ZBTB8B: variants seen among roughly 807,000 people sequenced by gnomAD.
The protein encoded by ZBTB8B is zinc finger and BTB domain-containing protein 8B.
A neutral mutation model predicts 30.3 loss-of-function variants in ZBTB8B; 17 were observed. The ratio of observed to expected loss-of-function variants is 0.56; its 90% CI spans 0.38 to 0.84. The LOEUF is 0.84. ZBTB8B is among the 40% of genes least tolerant of loss of function. The probability of loss-of-function intolerance (pLI) is 0.00; values close to 1 mark genes in which losing one functional copy is unlikely to be tolerated. For missense variants in ZBTB8B, 515 were observed against 644.9 expected (o/e 0.80, Z 2.18); for synonymous variants, 248 against 255.6 (o/e 0.97, Z 0.28).
chr1:32,471,801 CTACCATCATCACCAGTACCATCAT>C (rs1238894228), intron 2 of ZBTB8B, among the ~76,000 whole-genome samples, 186 bp downstream of exon 2: 4 of 151,762 alleles, frequency 2.6e-5, no homozygotes, highest in African/African-American at 4.8e-5. Flanking sequence ...ACCATCATCA[CTACCATCATCACCAGTACCATCAT>C]TACCATCATC....
rs1006903007 is a variant in ZBTB8B, at chr1:32,486,587, G to T, written c.*1169G>T. On this transcript the variant is annotated 3_prime_UTR_variant, in exon 4 of 4. Coordinates refer to ENST00000609129, the MANE Select transcript of ZBTB8B (RefSeq NM_001145720.2). ...AATGGTGGTAACTTCCAAGCCGCTG[G>T]GTGGTTGCCATGATAAGGGGCAGTG... 1 of 152,192 alleles carries T rather than the reference G, an allele frequency of 6.6e-6. No individual in the cohort carries two copies. The highest frequency in any genetic ancestry group is 2.4e-5 in the African/African-American group (1 of 41,438). 9.4% of individuals were successfully genotyped at this position (152,192 alleles called of 1,614,324 possible).
chr1:32,471,700 T>C, intron 2 of ZBTB8B, 85 bp downstream of exon 2: 1 of 1,400,766 alleles, frequency 7.1e-7, no homozygotes, highest in Non-Finnish European at 9.6e-7. Flanking sequence ...TCATGATCAT[T>C]ATCACCATCA....
At chr1:32,467,977 G>C (rs375791151) in intron 1 of ZBTB8B, among the ~76,000 whole-genome samples, 2 of 151,934 alleles carry the variant, frequency 1.3e-5, no homozygotes, top group Non-Finnish European at 2.9e-5. Context: ...TTAGCCTGGC[G>C]TGGGGGTGGG....
rs1478588344 is a variant in ZBTB8B at position 32,484,546 on chromosome 1, A to G, written c.1171-555A>G. Among the ~76,000 whole-genome samples, 1 of 152,098 alleles carries G rather than the reference A, an allele frequency of 6.6e-6. No individual in the cohort carries two copies. Among genetic ancestry groups the G allele is most frequent in the African/African-American group, 2.4e-5 (1 of 41,406 alleles). Reference sequence around the variant, plus strand: ...AAGAACCTTGGTAAGATGAAGACTCATATGGTTTGGATCTCTGTCCCCACT... The same window carrying G: ...AAGAACCTTGGTAAGATGAAGACTCGTATGGTTTGGATCTCTGTCCCCACT... On this transcript the variant is annotated intron_variant, in intron 3 of 3. Coordinates refer to ENST00000609129, the MANE Select transcript of ZBTB8B (RefSeq NM_001145720.2). The surrounding 1 kb of genome is among the most constrained non-coding windows in gnomAD (Gnocchi z 4.5).
chr1:32,475,046 T>C (rs1373877535), intron 2 of ZBTB8B, among the ~76,000 whole-genome samples: 1 of 152,252 alleles, frequency 6.6e-6, no homozygotes, highest in Non-Finnish European at 1.5e-5. Flanking sequence ...CTATAAGGTG[T>C]TGTGGTGTGG....
At chr1:32,478,477 A>C (rs918417769) in intron 2 of ZBTB8B, among the ~76,000 whole-genome samples, 1 of 152,062 alleles carries the variant, frequency 6.6e-6, no homozygotes, top group African/African-American at 2.4e-5. Flanking sequence ...GTGCCACTGT[A>C]CTCCAGCCTG....
At position 32,494,891 on chromosome 1, in the gene ZBTB8B, A is replaced by C. The variant is rs969689868; in HGVS notation, c.*9473A>C. On this transcript the variant is annotated 3_prime_UTR_variant, in exon 4 of 4. Coordinates refer to ENST00000609129, the MANE Select transcript of ZBTB8B (RefSeq NM_001145720.2). ...TCGGCCCACTGCAATCTCCGCCTCC[A>C]GAGTTCAAAGAGTTCTCATGCCTCA... is the stretch of plus-strand genomic sequence containing the variant. 1 of 151,996 alleles carries C rather than the reference A, an allele frequency of 6.6e-6. No homozygotes were observed. Among genetic ancestry groups the C allele is most frequent in the African/African-American group, 2.4e-5 (1 of 41,358 alleles). 9.4% of individuals were successfully genotyped at this position (151,996 alleles called of 1,614,324 possible). A position where few individuals can be genotyped will look rare whatever the true frequency, so the allele number is the denominator to read the frequency against.
At chr1:32,467,943 T>C (rs1643585210) in intron 1 of ZBTB8B, among the ~76,000 whole-genome samples, 2 of 151,716 alleles carry the variant, frequency 1.3e-5, no homozygotes, top group South Asian at 2.1e-4. Flanking sequence ...CAAAACCCTG[T>C]CTCTACCAAA....
At chr1:32,483,873 T>G (rs1643725475) in intron 3 of ZBTB8B, among the ~76,000 whole-genome samples, 1 of 151,642 alleles carries the variant, frequency 6.6e-6, no homozygotes, top group Admixed American at 6.6e-5. Context: ...AAGTCCAGCT[T>G]GGGCAACATA....
chr1:32,466,360 T>A lies in ZBTB8B; in HGVS notation c.-42+1255T>A, dbSNP rs1005945698. ...TTGGTTCATTTTTCTATTCCTGGCA[T>A]CTTCCTTGTGTCAGGCATTGTATGT... is the stretch of plus-strand genomic sequence containing the variant. On this transcript the variant is annotated intron_variant, in intron 1 of 3. Transcript: ENST00000609129. Among the ~76,000 whole-genome samples the A allele has an allele frequency of 6.6e-5, 10 of 152,336 alleles. No individual in the cohort carries two copies. The East Asian group carries it at 1.7e-3, about 26-fold the overall frequency.
In ZBTB8B at chr1:32,485,540, G is replaced by A; in HGVS notation, c.*122G>A. The A allele has an allele frequency of 2.0e-6, 2 of 1,013,452 alleles. No individual in the cohort carries two copies. The highest frequency in any genetic ancestry group is 5.2e-5 in the East Asian group (2 of 38,170). 62.8% of individuals were successfully genotyped at this position (1,013,452 alleles called of 1,614,324 possible). On this transcript the variant is annotated 3_prime_UTR_variant, in exon 4 of 4. Coordinates refer to ENST00000609129, the MANE Select transcript of ZBTB8B (RefSeq NM_001145720.2). ...GAACATTTTTTCACTGTTATTATAT[G>A]TGCATTTTTATTAGACTATCTGATA...
intron 2 of ZBTB8B, among the ~76,000 whole-genome samples, chr1:32,473,340 GA>G (rs980895545): frequency 4.6e-5 from 7 of 151,780 alleles, no homozygotes; most frequent in African/African-American, 1.7e-4. Context: ...AAAAGAAAAG[GA>G]AAAAAATACC....
rs1643815242 is a variant in ZBTB8B, at chr1:32,496,098, G to GA, written c.*10682dup. 2 of 152,218 alleles carry GA rather than the reference G, an allele frequency of 1.3e-5. No individual in the cohort carries two copies. Among genetic ancestry groups the GA allele is most frequent in the Admixed American group, 1.3e-4 (2 of 15,274 alleles). The allele number at this position is 152,218 out of a possible 1,614,324, so 9.4% of individuals were successfully genotyped here. On this transcript the variant is annotated 3_prime_UTR_variant, in exon 4 of 4. Coordinates refer to ENST00000609129, the MANE Select transcript of ZBTB8B (RefSeq NM_001145720.2). ...AGAACTATTAGAGCTCTAAACAGAA[G>GA]AAGCTTCCATCAAACCGTTTTTCCC...
chr1:32,489,769 AC>A lies in ZBTB8B; in HGVS notation c.*4356del, dbSNP rs1643767520. 1 of 152,098 alleles carries A rather than the reference AC, an allele frequency of 6.6e-6. No homozygotes were observed. The highest frequency in any genetic ancestry group is 1.5e-5 in the Non-Finnish European group (1 of 68,032). 9.4% of individuals were successfully genotyped at this position (152,098 alleles called of 1,614,324 possible). On this transcript the variant is annotated 3_prime_UTR_variant, in exon 4 of 4. Coordinates refer to ENST00000609129, the MANE Select transcript of ZBTB8B (RefSeq NM_001145720.2). ...AAGTTATTTCTCTTGGGGGATGAGG[AC>A]CCCCTTCTCAAAAGTTGAGAAGGAA...
chr1:32,469,238 C>T (rs1452971543), intron 1 of ZBTB8B, among the ~76,000 whole-genome samples: 1 of 103,778 alleles, frequency 9.6e-6, no homozygotes, highest in Non-Finnish European at 1.8e-5. Context: ...ACTAAACACT[C>T]AAGTATAATT....
chr1:32,468,952 G>A (rs911212355), intron 1 of ZBTB8B, among the ~76,000 whole-genome samples: 2 of 152,066 alleles, frequency 1.3e-5, no homozygotes, highest in African/African-American at 2.4e-5. Flanking sequence ...GACTTTGAGG[G>A]GTGGAGGCAG....
Position 32,484,951 on chromosome 1 carries a change from C to T in ZBTB8B, c.1171-150C>T. ...GTATTTCTTTATAGCAGTGCAAGAA[C>T]AGACTAATACAAAGACTGTGGCAGA... is the stretch of plus-strand genomic sequence containing the variant. On this transcript the variant is annotated intron_variant, in intron 3 of 3. Coordinates refer to ENST00000609129, the MANE Select transcript of ZBTB8B (RefSeq NM_001145720.2). The surrounding 1 kb of genome is among the most constrained non-coding windows in gnomAD (Gnocchi z 4.5). 1.4e-6 allele frequency: 1 copy of T among 696,116 alleles called. No homozygotes were observed. The highest frequency in any genetic ancestry group is 2.4e-6 in the Non-Finnish European group (1 of 414,788). The allele number at this position is 696,116 out of a possible 1,614,324, so 43.1% of individuals were successfully genotyped here.
chr1:32,470,176 G>A (rs536811602), intron 1 of ZBTB8B, among the ~76,000 whole-genome samples: 2 of 152,224 alleles, frequency 1.3e-5, no homozygotes, highest in South Asian at 2.1e-4. Flanking sequence ...TTGCACCACT[G>A]GTTTTGGAAA....
At position 32,492,346 on chromosome 1, in the gene ZBTB8B, A is replaced by G. The variant is rs1643784898; in HGVS notation, c.*6928A>G. 7.3e-6 allele frequency: 1 copy of G among 137,092 alleles called. No homozygotes were observed. Among genetic ancestry groups the G allele is most frequent in the African/African-American group, 2.9e-5 (1 of 34,836 alleles). 8.5% of individuals were successfully genotyped at this position (137,092 alleles called of 1,614,324 possible). A position where few individuals can be genotyped will look rare whatever the true frequency, so the allele number is the denominator to read the frequency against. On this transcript the variant is annotated 3_prime_UTR_variant, in exon 4 of 4. Transcript: ENST00000609129. ...AAGATGGAGTTTCACTCTTGTTGCC[A>G]GGCTGGAGTGCAGTGGTGCAATCTC...
Sources: allele counts gnomAD v4.1 joint callset (sites outside exome capture counted in the v4.1 genomes callset), GRCh38; gene constraint gnomAD v4.1.1; non-coding constraint Gnocchi (gnomAD v3.1); transcripts MANE v1.5; gene names NCBI Gene and HGNC (gene_info 2026-07-23, HGNC 2026-07-21).